Variants in CASQ2 observed in about 807,000 individuals in gnomAD.
CASQ2 encodes the protein calsequestrin 2, also known as calsequestrin-2.
In CASQ2, 49 loss-of-function variants were observed where a neutral mutation model predicts 46.5. The ratio of observed to expected loss-of-function variants is 1.05; its 90% CI spans 0.84 to 1.34. The LOEUF (loss-of-function observed/expected upper bound fraction) is 1.34, where lower values mean the gene tolerates loss of function less well. CASQ2 is among the 40% of genes most tolerant of loss of function. The pLI, the probability that CASQ2 is intolerant of heterozygous loss-of-function variation, is 0.00. For missense variants in CASQ2, 486 were observed against 481.3 expected (o/e 1.01, Z -0.09); for synonymous variants, 174 against 168.5 (o/e 1.03, Z -0.25).
chr1:115,755,164 C>T (rs770138932), intron 1 of CASQ2, among the ~76,000 whole-genome samples: 1 of 152,194 alleles, frequency 6.6e-6, no homozygotes, highest in Non-Finnish European at 1.5e-5. Context: ...TCCCTGAAGG[C>T]CAGGTTTGTT....
chr1:115,717,671 G>A (rs1269533994), intron 8 of CASQ2, among the ~76,000 whole-genome samples, 169 bp downstream of exon 8: 4 of 152,210 alleles, frequency 2.6e-5, no homozygotes, highest in African/African-American at 9.7e-5. Flanking sequence ...TCTTAGCCGT[G>A]TGCACAATTG....
chr1:115,712,046 C>T (rs1654564759), intron 8 of CASQ2, among the ~76,000 whole-genome samples: 1 of 152,094 alleles, frequency 6.6e-6, no homozygotes, highest in African/African-American at 2.4e-5. Flanking sequence ...TAGGACAGGT[C>T]CTCTCTCAGA....
intron 9 of CASQ2, among the ~76,000 whole-genome samples, chr1:115,704,434 A>G (rs1455071630): frequency 6.6e-6 from 1 of 152,172 alleles, no homozygotes; most frequent in African/African-American, 2.4e-5. Context: ...TTATAATAGT[A>G]CCTACTTCAC....
At position 115,701,369 on chromosome 1, in the gene CASQ2, G is replaced by A. The variant is rs1198258106; in HGVS notation, c.1072C>T (p.Leu358=). The change falls in exon 11 of 11, where the codon CTG becomes TTG. Residue 358 remains leucine, a synonymous_variant. Transcript: ENST00000261448. ...AGCACATCCTCAATCCAGTCCTCCA[G>A]CTCCTCAGCAGTTGGAAGATCGTCA... is the stretch of plus-strand genomic sequence containing the variant. ...DDDDLPTAEE[L]EDWIEDVLSG... is the part of the protein sequence containing the mutation. 4 of 1,613,640 alleles carry A rather than the reference G, an allele frequency of 2.5e-6. No homozygotes were observed. The highest frequency in any genetic ancestry group is 3.4e-6 in the Non-Finnish European group (4 of 1,179,760).
chr1:115,753,817 G>A (rs538540742), intron 1 of CASQ2, among the ~76,000 whole-genome samples: 1 of 152,098 alleles, frequency 6.6e-6, no homozygotes, highest in East Asian at 1.9e-4. Flanking sequence ...GAGGTGGAGG[G>A]TCATAAAGAA....
intron 8 of CASQ2, among the ~76,000 whole-genome samples, chr1:115,713,122 C>T (rs1654600543): frequency 6.6e-6 from 1 of 152,064 alleles, no homozygotes; most frequent in East Asian, 1.9e-4. Context: ...TTCCCAGTGC[C>T]CTTTGAGGAT....
chr1:115,754,353 G>A lies in CASQ2; in HGVS notation c.235-9441C>T, dbSNP rs147601592. Reference sequence around the variant, plus strand: ...TTTTATTGGCATTTTGGACTATCACGTTGGTCAATGCCAAGGAAAAGACCC... The same window carrying A: ...TTTTATTGGCATTTTGGACTATCACATTGGTCAATGCCAAGGAAAAGACCC... On this transcript the variant is annotated intron_variant, in intron 1 of 10. Coordinates refer to ENST00000261448, the MANE Select transcript of CASQ2 (RefSeq NM_001232.4). Among the ~76,000 whole-genome samples, 80 of 152,232 alleles carry A rather than the reference G, an allele frequency of 5.3e-4. No individual in the cohort carries two copies. In the East Asian group the frequency reaches 0.013, roughly 25 times the overall value.
chr1:115,703,848 G>T (rs1313926142), intron 9 of CASQ2, among the ~76,000 whole-genome samples: 2 of 151,730 alleles, frequency 1.3e-5, no homozygotes, highest in Admixed American at 6.6e-5. Context: ...GGAGCTTAAG[G>T]CTGCAGTAAA....
chr1:115,752,655 T>A (rs534813994), intron 1 of CASQ2, among the ~76,000 whole-genome samples: 2 of 152,156 alleles, frequency 1.3e-5, no homozygotes, highest in South Asian at 2.1e-4. Flanking sequence ...TTATTTGGGG[T>A]GCTGAAAGAA....
intron 1 of CASQ2, among the ~76,000 whole-genome samples, chr1:115,750,770 A>T (rs918773236): frequency 5.3e-5 from 8 of 152,208 alleles, no homozygotes; most frequent in Non-Finnish European, 1.2e-4. Context: ...GCCTCCCAAA[A>T]TGTTGGGATT....
At chr1:115,725,586 A>C (rs1181863337) in intron 6 of CASQ2, 33 bp from the exon 7 acceptor site, 5 of 1,550,730 alleles carry the variant, frequency 3.2e-6, no homozygotes, top group Middle Eastern at 1.9e-4. Flanking sequence ...AAAAAGAAAG[A>C]GCTTCCTTGA....
At chr1:115,767,167 T>A (rs1278821702) in intron 1 of CASQ2, among the ~76,000 whole-genome samples, 1 of 152,184 alleles carries the variant, frequency 6.6e-6, no homozygotes, top group Admixed American at 6.5e-5. Flanking sequence ...AGCAGCTAAG[T>A]TCTATGTCTC....
chr1:115,749,494 G>A (rs573282545), intron 1 of CASQ2, among the ~76,000 whole-genome samples: 3 of 152,284 alleles, frequency 2.0e-5, no homozygotes, highest in Admixed American at 6.5e-5. Context: ...TAACACATGG[G>A]CCAGGATCCC....
At chr1:115,735,198 A>G (rs2101088466) in intron 4 of CASQ2, among the ~76,000 whole-genome samples, 1 of 152,340 alleles carries the variant, frequency 6.6e-6, no homozygotes, top group East Asian at 1.9e-4. Flanking sequence ...GCATTCCACA[A>G]AAAGGTTGTT....
intron 1 of CASQ2, among the ~76,000 whole-genome samples, chr1:115,762,374 T>C (rs1237713115): frequency 1.3e-5 from 2 of 152,228 alleles, no homozygotes; most frequent in African/African-American, 4.8e-5. Context: ...TGAATATTTC[T>C]ATTCAGGGAT....
At chr1:115,759,190 G>T (rs1054222961) in intron 1 of CASQ2, among the ~76,000 whole-genome samples, 29 of 152,176 alleles carry the variant, frequency 1.9e-4, no homozygotes, top group African/African-American at 6.8e-4. Flanking sequence ...TATGATTTGG[G>T]TGTGGTTTGT....
intron 8 of CASQ2, among the ~76,000 whole-genome samples, chr1:115,716,940 G>A (rs1654719151): frequency 6.6e-6 from 1 of 152,202 alleles, no homozygotes; most frequent in Admixed American, 6.5e-5. Context: ...CAATGCTGGA[G>A]GTGGGGCCTG....
intron 7 of CASQ2, among the ~76,000 whole-genome samples, chr1:115,719,736 A>G (rs539570100): frequency 6.6e-6 from 1 of 152,302 alleles, no homozygotes; most frequent in South Asian, 2.1e-4. Context: ...ACTCAGTGAG[A>G]ACCCAGCTTG....
chr1:115,761,490 GAAGAAGGAGAA>G (rs1648954841), intron 1 of CASQ2, among the ~76,000 whole-genome samples: 1 of 43,772 alleles, frequency 2.3e-5, no homozygotes, highest in Non-Finnish European at 4.9e-5. Context: ...AGAAGAAGGA[GAAGAAGGAGAA>G]GAAGAAGAAG....
Sources: gnomAD v4.1 joint callset for allele counts (sites outside exome capture counted in the v4.1 genomes callset) on GRCh38, gnomAD v4.1.1 for gene constraint, MANE v1.5 for transcripts, NCBI Gene and HGNC (gene_info 2026-07-23, HGNC 2026-07-21) for gene names.